CSNK1E: variants seen among roughly 807,000 people sequenced by gnomAD.
The protein encoded by CSNK1E is casein kinase I isoform epsilon.
A neutral mutation model predicts 46.1 loss-of-function variants in CSNK1E; 17 were observed. The ratio of observed to expected loss-of-function variants is 0.37; its 90% CI spans 0.25 to 0.55. The LOEUF (loss-of-function observed/expected upper bound fraction) is 0.55. Ranked by LOEUF, CSNK1E falls within the 20% of genes least tolerant of loss-of-function variation. The probability of loss-of-function intolerance (pLI) is 0.82; values close to 1 mark genes in which losing one functional copy is unlikely to be tolerated. For missense variants in CSNK1E, 386 were observed against 595.4 expected (o/e 0.65, Z 3.66); for synonymous variants, 241 against 242.6 (o/e 0.99, Z 0.06).
intron 1 of CSNK1E, among the ~76,000 whole-genome samples, chr22:38,315,099 C>T (rs1047786438): frequency 6.6e-6 from 1 of 152,190 alleles, no homozygotes; most frequent in Non-Finnish European, 1.5e-5. Context: ...TACTCAGGCT[C>T]ACAGAGGCCA....
chr22:38,292,571 C>T (rs897193312), intron 10 of CSNK1E: 1 of 152,464 alleles, frequency 6.6e-6, no homozygotes, highest in African/African-American at 2.4e-5. Flanking sequence ...CACAGATTGT[C>T]CCAGTGTAAA....
At chr22:38,296,384 G>A (rs1257700580) in intron 7 of CSNK1E, 5 of 1,401,440 alleles carry the variant, frequency 3.6e-6, no homozygotes, top group Non-Finnish European at 4.6e-6. Flanking sequence ...AGGCCCCAGG[G>A]ATCCACAGAT....
rs751568347 is a variant in CSNK1E, at chr22:38,314,161, TCA to T, written c.-6_-5del. Reference sequence around the variant, plus strand: ...TGTTCCCCACACGTAGCTCCATGGCTCACTCTTGCTGCAGAGGAAGCAGGAAC... The same window carrying T: ...TGTTCCCCACACGTAGCTCCATGGCTCTCTTGCTGCAGAGGAAGCAGGAAC... On this transcript the variant is annotated 5_prime_UTR_variant, in exon 2 of 11. Transcript: ENST00000396832. 11 of 1,613,848 alleles carry T rather than the reference TCA, an allele frequency of 6.8e-6. No homozygotes were observed. The highest frequency in any genetic ancestry group is 7.6e-6 in the Non-Finnish European group (9 of 1,179,832).
intron 10 of CSNK1E, chr22:38,292,379 T>C (rs1356365289): frequency 6.6e-6 from 1 of 152,142 alleles, no homozygotes; most frequent in Admixed American, 6.6e-5. Context: ...TCCATCTTCA[T>C]GTGACAGAAA....
In CSNK1E at chr22:38,291,176, G is replaced by C. The variant is rs866877656; in HGVS notation, c.*795C>G. ...GCTGCCACCGGCTGATGACGGGCTA[G>C]GGGGGGACCGGTGGCAGCGAGGACC... On this transcript the variant is annotated 3_prime_UTR_variant, in exon 11 of 11. Coordinates refer to ENST00000396832, the MANE Select transcript of CSNK1E (RefSeq NM_152221.3). 3.3e-5 allele frequency: 5 copies of C among 151,960 alleles called. No homozygotes were observed. Among genetic ancestry groups the C allele is most frequent in the Non-Finnish European group, 5.9e-5 (4 of 68,048 alleles). The allele number at this position is 151,960 out of a possible 1,614,324, so 9.4% of individuals were successfully genotyped here. A position where few individuals can be genotyped will look rare whatever the true frequency, so the allele number is the denominator to read the frequency against.
chr22:38,295,623 C>A (rs553179052), intron 7 of CSNK1E, among the ~76,000 whole-genome samples: 79 of 152,292 alleles, frequency 5.2e-4, no homozygotes, highest in African/African-American at 1.5e-3. Flanking sequence ...CTTAGTGAGG[C>A]ACCAAGGCCC....
At position 38,294,409 on chromosome 22, in the gene CSNK1E, A is replaced by C; in HGVS notation, c.1011T>G (p.Thr337=). 1 of 1,557,916 alleles carries C rather than the reference A, an allele frequency of 6.4e-7. No homozygotes were observed. The highest frequency in any genetic ancestry group is 1.2e-5 in the South Asian group (1 of 85,472). ...ALPPGPPTGA[T]ANRLRSAAEP... ...CGGCGGCACTGCGGAGCCGGTTGGC[A>C]GTGGCCCCCGTGGGTGGGCCAGGGG... Residue 337 remains threonine, a synonymous_variant, in exon 8 of 11, where the codon ACT becomes ACG. Transcript: ENST00000396832. This position sits in a 1 kb window ranked among gnomAD's most constrained non-coding sequence, Gnocchi z 5.5.
chr22:38,309,506 G>A lies in CSNK1E; in HGVS notation c.76+4576C>T, dbSNP rs1050466714. On this transcript the variant is annotated intron_variant, in intron 2 of 10. Coordinates refer to ENST00000396832, the MANE Select transcript of CSNK1E (RefSeq NM_152221.3). The surrounding 1 kb of genome is among the most constrained non-coding windows in gnomAD (Gnocchi z 4.8). Reference sequence around the variant, plus strand: ...GCTTCACTTTGTCGCCTGGGCTGGAGTGCAGTGGCATGATCTCGGCTCACT... The same window carrying A: ...GCTTCACTTTGTCGCCTGGGCTGGAATGCAGTGGCATGATCTCGGCTCACT... Among the ~76,000 whole-genome samples the A allele has an allele frequency of 1.3e-5, 2 of 151,884 alleles. No individual in the cohort carries two copies. The highest frequency in any genetic ancestry group is 2.9e-5 in the Non-Finnish European group (2 of 67,986).
chr22:38,301,522 T>A (rs2092672427), intron 4 of CSNK1E, among the ~76,000 whole-genome samples: 1 of 152,100 alleles, frequency 6.6e-6, no homozygotes, highest in African/African-American at 2.4e-5. Flanking sequence ...AACTTCTGCC[T>A]TCAGGGTTCA....
intron 9 of CSNK1E, 75 bp from the exon 10 acceptor site, chr22:38,293,394 G>A (rs1329212521): frequency 3.3e-5 from 30 of 921,408 alleles, no homozygotes; most frequent in Admixed American, 2.3e-4. Flanking sequence ...TCCCTTAGCC[G>A]CTGGCGATAG....
intron 7 of CSNK1E, chr22:38,296,085 G>C: frequency 1.2e-6 from 1 of 864,150 alleles, no homozygotes; most frequent in African/African-American, 1.8e-5. Context: ...CCAAGCAGAG[G>C]GCTGGAGCCC....
intron 2 of CSNK1E, 66 bp downstream of exon 2, chr22:38,314,016 G>T: frequency 1.4e-6 from 2 of 1,402,654 alleles, no homozygotes; most frequent in South Asian, 1.2e-5. Flanking sequence ...CAAATCCTGG[G>T]GTCTTTCCTC....
Position 38,303,842 on chromosome 22 carries a change from G to C in CSNK1E, c.77-594C>G, listed in dbSNP as rs1413811396. On this transcript the variant is annotated intron_variant, in intron 2 of 10. Coordinates refer to ENST00000396832, the MANE Select transcript of CSNK1E (RefSeq NM_152221.3). The surrounding 1 kb of genome is among the most constrained non-coding windows in gnomAD (Gnocchi z 4.7). The stretch of plus-strand genomic sequence containing the variant: ...AGACCCAGCTAGAGACCCAGCTCAA[G>C]GTCACCTGACCTGTAAATGGCGGCC... 6.6e-6 allele frequency among the ~76,000 whole-genome samples: 1 copy of C among 152,164 alleles called. No homozygotes were observed. The highest frequency in any genetic ancestry group is 2.4e-5 in the African/African-American group (1 of 41,426).
chr22:38,313,431 G>C (rs1268662905), intron 2 of CSNK1E, among the ~76,000 whole-genome samples: 3 of 152,390 alleles, frequency 2.0e-5, no homozygotes, highest in African/African-American at 7.2e-5. Flanking sequence ...CCCCTCAGAA[G>C]TGGCACTGAA....
chr22:38,301,334 T>TG (rs556598420), intron 4 of CSNK1E, among the ~76,000 whole-genome samples: 15 of 152,126 alleles, frequency 9.9e-5, no homozygotes, highest in African/African-American at 3.6e-4. Context: ...GCAGGGAACA[T>TG]GGGGGAAGCC....
At chr22:38,313,554 G>C (rs1416609757) in intron 2 of CSNK1E, among the ~76,000 whole-genome samples, 1 of 152,180 alleles carries the variant, frequency 6.6e-6, no homozygotes, top group African/African-American at 2.4e-5. Flanking sequence ...CATCCGGAGA[G>C]AAAAAGAGAG....
intron 2 of CSNK1E, among the ~76,000 whole-genome samples, chr22:38,304,316 C>A (rs2092688523): frequency 6.6e-6 from 1 of 152,062 alleles, no homozygotes; most frequent in South Asian, 2.1e-4. Flanking sequence ...CCTGAACAAC[C>A]GGCTGGCCAC....
At chr22:38,295,842 C>T (rs570673392) in intron 7 of CSNK1E, among the ~76,000 whole-genome samples, 1 of 152,228 alleles carries the variant, frequency 6.6e-6, no homozygotes, top group Non-Finnish European at 1.5e-5. Context: ...GGGGCTCTAA[C>T]TCCTGACCTC....
At chr22:38,297,053 C>T (rs2092644555) in intron 7 of CSNK1E, 1 of 739,748 alleles carries the variant, frequency 1.4e-6, no homozygotes, top group East Asian at 2.5e-5. Context: ...GGATTACAGG[C>T]ATGAGCCACC....
Sources: gnomAD v4.1 joint callset for allele counts (sites outside exome capture counted in the v4.1 genomes callset) on GRCh38, gnomAD v4.1.1 for gene constraint, Gnocchi (gnomAD v3.1) non-coding constraint, MANE v1.5 for transcripts, NCBI Gene and HGNC (gene_info 2026-07-23, HGNC 2026-07-21) for gene names.